The following EVL variants were observed in gnomAD, a reference collection of about 807,000 sequenced individuals.
EVL encodes ena/VASP-like protein.
In EVL, 21 loss-of-function variants were observed where a neutral mutation model predicts 59.6. That is an observed-to-expected ratio of 0.35 (90% CI 0.25 to 0.51). The LOEUF (loss-of-function observed/expected upper bound fraction) is 0.51. EVL is among the 20% of genes least tolerant of loss of function. The pLI, the probability that EVL is intolerant of heterozygous loss-of-function variation, is 0.97. For missense variants in EVL, 462 were observed against 546.6 expected (o/e 0.85, Z 1.54); for synonymous variants, 198 against 203.5 (o/e 0.97, Z 0.23).
intron 1 of EVL, among the ~76,000 whole-genome samples, chr14:100,029,616 A>C (rs973786177): frequency 6.6e-6 from 1 of 152,190 alleles, no homozygotes; most frequent in African/African-American, 2.4e-5. Flanking sequence ...GGAGGTGGAC[A>C]CAGTTTTGCT....
chr14:100,106,548 A>T (rs9671991), intron 3 of EVL: 1 of 249,476 alleles, frequency 4.0e-6, no homozygotes, highest in East Asian at 7.6e-5. Flanking sequence ...TGTAATGCAC[A>T]TTTTATTATA....
At chr14:100,023,963 T>G (rs1566972573) in intron 1 of EVL, among the ~76,000 whole-genome samples, 1 of 152,176 alleles carries the variant, frequency 6.6e-6, no homozygotes, top group Non-Finnish European at 1.5e-5. Context: ...TAAATGTGAC[T>G]TTTTCCCCCA....
intron 1 of EVL, among the ~76,000 whole-genome samples, chr14:100,055,623 CT>C (rs1254578031): frequency 6.6e-6 from 1 of 152,062 alleles, no homozygotes; most frequent in Non-Finnish European, 1.5e-5. Context: ...AAGATAATAT[CT>C]CATTGTTTTA....
At chr14:100,065,892 G>A (rs1052935454) in intron 1 of EVL, among the ~76,000 whole-genome samples, 2 of 152,140 alleles carry the variant, frequency 1.3e-5, no homozygotes, top group East Asian at 1.9e-4. Context: ...AGAATGACCC[G>A]AGACTGGTTG....
chr14:99,989,260 CTT>C (rs1212088765), intron 1 of EVL, among the ~76,000 whole-genome samples: 2 of 152,130 alleles, frequency 1.3e-5, no homozygotes, highest in African/African-American at 4.8e-5. Context: ...ATCCAGGTGT[CTT>C]TTATCATTTC....
chr14:100,089,323 C>T lies in EVL; in HGVS notation c.180+4468C>T, dbSNP rs528955869. ...GTAGAAACTATAGCCAACAACTGTA[C>T]GATGCATAGTCTTCTCAAGTAAACA... On this transcript the variant is annotated intron_variant, in intron 2 of 13. Transcript: ENST00000392920. Among the ~76,000 whole-genome samples, 8 of 152,260 alleles carry T rather than the reference C, an allele frequency of 5.3e-5. No individual in the cohort carries two copies. In the South Asian group the frequency reaches 1.0e-3, roughly 20 times the overall value.
At chr14:100,137,441 C>CTCAA (rs1888870120) in intron 9 of EVL, 137 bp from the exon 10 acceptor site, 1 of 890,314 alleles carries the variant, frequency 1.1e-6, no homozygotes, top group Non-Finnish European at 1.8e-6. Flanking sequence ...TTTGGCTTAA[C>CTCAA]TCAATCAGAC....
intron 13 of EVL, among the ~76,000 whole-genome samples, chr14:100,143,491 C>T (rs1889324638): frequency 6.6e-6 from 1 of 152,204 alleles, no homozygotes; most frequent in African/African-American, 2.4e-5. Context: ...AGGGCAGTGG[C>T]AGCAGGGGCC....
intron 1 of EVL, among the ~76,000 whole-genome samples, chr14:99,973,194 T>G (rs1420138962): frequency 6.6e-6 from 1 of 152,206 alleles, no homozygotes; most frequent in African/African-American, 2.4e-5. Flanking sequence ...TCTTTAGCAT[T>G]AGCGGTAAAC....
chr14:100,130,861 C>T lies in EVL; in HGVS notation c.839+1177C>T, dbSNP rs73349563. ...CCTCTACTGGGCCTGGGCGTTTGTA[C>T]ATCGCCAAGACAGGAGGCAGGCTTC... On this transcript the variant is annotated intron_variant, in intron 7 of 13. Coordinates refer to ENST00000392920, the MANE Select transcript of EVL (RefSeq NM_016337.3). The surrounding 1 kb of genome is among the most constrained non-coding windows in gnomAD (Gnocchi z 4.8). Among the ~76,000 whole-genome samples the T allele has an allele frequency of 0.077, 11,699 of 152,280 alleles. 984 individuals carry two copies. Among genetic ancestry groups the T allele is most frequent in the African/African-American group, 0.2 (8,353 of 41,522 alleles).
At chr14:100,122,563 C>T (rs969631197) in intron 3 of EVL, among the ~76,000 whole-genome samples, 3 of 152,208 alleles carry the variant, frequency 2.0e-5, no homozygotes, top group African/African-American at 7.2e-5. Context: ...GGGCTGTCCC[C>T]ACATCATCAG....
At chr14:100,090,191 A>G (rs964724143) in intron 2 of EVL, among the ~76,000 whole-genome samples, 1 of 152,216 alleles carries the variant, frequency 6.6e-6, no homozygotes, top group African/African-American at 2.4e-5. Context: ...TTGAAAAAAA[A>G]TTAAATTAAT....
At chr14:100,120,766 G>C (rs1353096387) in intron 3 of EVL, among the ~76,000 whole-genome samples, 3 of 152,162 alleles carry the variant, frequency 2.0e-5, no homozygotes, top group Admixed American at 6.5e-5. Context: ...ATGGAGCCTG[G>C]ACCCAACCCT....
intron 1 of EVL, among the ~76,000 whole-genome samples, chr14:100,040,378 C>T (rs2061450615): frequency 1.3e-5 from 2 of 152,206 alleles, no homozygotes; most frequent in Admixed American, 6.5e-5. Context: ...GTCTAGTCTA[C>T]ATTCAAGCTA....
At chr14:100,035,338 G>GTTT (rs33999027) in intron 1 of EVL, among the ~76,000 whole-genome samples, 2,036 of 149,076 alleles carry the variant, frequency 0.014, 35 homozygotes, top group African/African-American at 0.041. Flanking sequence ...CAGTGTATGT[G>GTTT]TTTTTTTTTC....
chr14:100,037,803 A>G (rs1350806697), intron 1 of EVL, among the ~76,000 whole-genome samples: 1 of 152,180 alleles, frequency 6.6e-6, no homozygotes, highest in Non-Finnish European at 1.5e-5. Flanking sequence ...AACAGCCACT[A>G]TGTCCCAGGC....
chr14:100,097,898 C>G (rs918172545), intron 3 of EVL, among the ~76,000 whole-genome samples: 30 of 152,212 alleles, frequency 2.0e-4, no homozygotes, highest in African/African-American at 6.5e-4. Context: ...ACAGATGTGT[C>G]CCTGAAGCCA....
chr14:100,127,963 G>T lies in EVL; in HGVS notation c.488-556G>T, dbSNP rs931712384. 1.3e-5 allele frequency among the ~76,000 whole-genome samples: 2 copies of T among 152,240 alleles called. No individual in the cohort carries two copies. The highest frequency in any genetic ancestry group is 2.9e-5 in the Non-Finnish European group (2 of 68,042). ...TACCCAGCACCTAGCACAGTGCCTG[G>T]CACAAAACAGGCTTAGGCAGCACTG... On this transcript the variant is annotated intron_variant, in intron 5 of 13. Coordinates refer to ENST00000392920, the MANE Select transcript of EVL (RefSeq NM_016337.3). The surrounding 1 kb of genome is among the most constrained non-coding windows in gnomAD (Gnocchi z 4.2).
At chr14:100,033,328 A>G (rs909178706) in intron 1 of EVL, among the ~76,000 whole-genome samples, 1 of 152,282 alleles carries the variant, frequency 6.6e-6, no homozygotes, top group African/African-American at 2.4e-5. Flanking sequence ...TATCACATCT[A>G]ATTTTCACAG....
Sources: gnomAD v4.1 joint callset for allele counts (sites outside exome capture counted in the v4.1 genomes callset) on GRCh38, gnomAD v4.1.1 for gene constraint, Gnocchi (gnomAD v3.1) non-coding constraint, MANE v1.5 for transcripts, NCBI Gene and HGNC (gene_info 2026-07-23, HGNC 2026-07-21) for gene names.